The following DYNLT2 variants were observed in gnomAD, a reference collection of about 807,000 sequenced individuals.
DYNLT2 encodes dynein light chain Tctex-type 2.
In DYNLT2, 24 loss-of-function variants were observed where a neutral mutation model predicts 24.3. The ratio of observed to expected loss-of-function variants is 0.99; its 90% CI spans 0.71 to 1.39. The LOEUF (loss-of-function observed/expected upper bound fraction) is 1.39, where lower values mean the gene tolerates loss of function less well. Among genes scored for constraint, DYNLT2 ranks in the 40% most tolerant of loss-of-function variants. DYNLT2 has a pLI of 0.00. For missense variants in DYNLT2, 246 were observed against 234.5 expected (o/e 1.05, Z -0.32); for synonymous variants, 85 against 85.4 (o/e 1.00, Z 0.03).
At chr6:169,744,365 G>C in intron 1 of DYNLT2, 91 bp from the exon 2 acceptor site, 1 of 1,045,018 alleles carries the variant, frequency 9.6e-7, no homozygotes, top group Non-Finnish European at 1.4e-6. Context: ...AGCCTGTACA[G>C]TGGGACAGGG....
At chr6:169,727,270 TA>T in the DYNLT2 span, among the ~76,000 whole-genome samples, 8 of 152,262 alleles carry the variant, frequency 5.3e-5, no homozygotes, top group East Asian at 1.5e-3. Context: ...AGTTTTATTA[TA>T]AAAAGTAATG....
At chr6:169,729,722 G>C in the DYNLT2 span, among the ~76,000 whole-genome samples, 2 of 152,168 alleles carry the variant, frequency 1.3e-5, no homozygotes, top group African/African-American at 4.8e-5. Context: ...GAGTCCCCAT[G>C]ATGGGGATTA....
chr6:169,740,230 T>C lies in DYNLT2; in HGVS notation c.552A>G (p.Glu184=). The change falls in exon 4 of 4, where the codon GAA becomes GAG. Residue 184 remains glutamate (E), a synonymous_variant. Transcript: ENST00000366774. ...ACACCAAGACCAGTGCCACGTAGGA[T>C]TCTGCTTCGTGTTTAGCTGCGACCC... is the stretch of plus-strand genomic sequence containing the variant. ...DSWVAAKHEA[E]SYVALVLVFA... is the part of the protein sequence containing the mutation. 6.2e-7 allele frequency: 1 copy of C among 1,614,036 alleles called. No homozygotes were observed. Among genetic ancestry groups the C allele is most frequent in the East Asian group, 2.2e-5 (1 of 44,876 alleles).
intron 1 of DYNLT2, among the ~76,000 whole-genome samples, chr6:169,746,366 A>G (rs1789800546): frequency 6.6e-6 from 1 of 152,142 alleles, no homozygotes; most frequent in Admixed American, 6.5e-5. Flanking sequence ...CACACATTCA[A>G]TACTATACAT....
the DYNLT2 span, among the ~76,000 whole-genome samples, chr6:169,734,645 C>G: frequency 6.6e-6 from 1 of 152,164 alleles, no homozygotes; most frequent in Non-Finnish European, 1.5e-5. Context: ...CCGACTTGAT[C>G]GTGGTAGATA....
intron 3 of DYNLT2, among the ~76,000 whole-genome samples, chr6:169,742,243 G>C (rs1316768143): frequency 6.6e-6 from 1 of 152,146 alleles, no homozygotes; most frequent in Non-Finnish European, 1.5e-5. Flanking sequence ...AACAGCTCTA[G>C]GAAGCCAGTT....
intron 3 of DYNLT2, 115 bp from the exon 4 acceptor site, chr6:169,740,410 A>C (rs1415600838): frequency 1.5e-5 from 10 of 663,642 alleles, no homozygotes; most frequent in Non-Finnish European, 2.2e-5. Context: ...AATTATTTTT[A>C]AGATGTAATT....
At chr6:169,742,984 G>A (rs1789711908) in intron 3 of DYNLT2, 96 bp downstream of exon 3, 3 of 927,674 alleles carry the variant, frequency 3.2e-6, no homozygotes, top group Non-Finnish European at 4.5e-6. Context: ...CAGAATCTAT[G>A]GCATGCCCTT....
rs1789745400 is a variant in DYNLT2 at position 169,744,272 on chromosome 6, A to T, written c.123T>A (p.Tyr41Ter). The change falls in exon 2 of 4, where the codon TAT becomes TAA. Residue 41 changes from tyrosine to a stop codon, truncating the protein, a stop_gained and splice_region_variant. Transcript: ENST00000366774. LOFTEE classifies it high-confidence loss of function. ...TCAGTCTTTCTCTTAAAATCTGTGT[A>T]TACTGGAGGAGAAAGAGAGAGGGGA... is the stretch of plus-strand genomic sequence containing the variant. Reference protein sequence around the residue: ...RRPSMFEKEAYTQILRERLRE... With the variant: ...RRPSMFEKEA The T allele has an allele frequency of 6.2e-7, 1 of 1,612,248 alleles. No homozygotes were observed. Among genetic ancestry groups the T allele is most frequent in the Non-Finnish European group, 8.5e-7 (1 of 1,179,176 alleles).
chr6:169,739,190 T>C (rs1365819551), downstream of DYNLT2, among the ~76,000 whole-genome samples: 1 of 150,602 alleles, frequency 6.6e-6, no homozygotes, highest in Non-Finnish European at 1.5e-5. Context: ...ATTTGTACAC[T>C]GGATCCACAA....
the DYNLT2 span, among the ~76,000 whole-genome samples, chr6:169,726,799 T>C: frequency 1.3e-5 from 2 of 152,194 alleles, no homozygotes; most frequent in African/African-American, 2.4e-5. Context: ...AAAAAAACCA[T>C]TTATTCATTC....
intron 1 of DYNLT2, among the ~76,000 whole-genome samples, chr6:169,749,297 T>C (rs987442796): frequency 1.1e-4 from 17 of 152,166 alleles, no homozygotes; most frequent in Admixed American, 2.6e-4. Flanking sequence ...GACGGGGTTT[T>C]GGCATGTTGG....
chr6:169,742,964 A>G (rs1330146476), intron 3 of DYNLT2, 116 bp downstream of exon 3: 1 of 817,076 alleles, frequency 1.2e-6, no homozygotes, highest in Non-Finnish European at 1.8e-6. Flanking sequence ...CTTTCCTTCA[A>G]AAAGTACCTC....
rs1378595278 is a variant in DYNLT2, at chr6:169,743,942, A to G, written c.327+126T>C. Reference sequence around the variant, plus strand: ...TTGTTGTGCCTGCACCAATGACACAATACCTTCTGGTTCTAGTGACAATTG... The same window carrying G: ...TTGTTGTGCCTGCACCAATGACACAGTACCTTCTGGTTCTAGTGACAATTG... On this transcript the variant is annotated intron_variant, in intron 2 of 3. Transcript: ENST00000366774. 17 of 876,384 alleles carry G rather than the reference A, an allele frequency of 1.9e-5. No individual in the cohort carries two copies. The Admixed American group carries it at 4.2e-4, about 22-fold the overall frequency. 54.3% of individuals were successfully genotyped at this position (876,384 alleles called of 1,614,324 possible). A position where few individuals can be genotyped will look rare whatever the true frequency, so the allele number is the denominator to read the frequency against.
At chr6:169,737,126 G>A (rs1034859100), downstream of DYNLT2, among the ~76,000 whole-genome samples, 1 of 152,066 alleles carries the variant, frequency 6.6e-6, no homozygotes, top group African/African-American at 2.4e-5. Flanking sequence ...ACTTGTGTAT[G>A]CTTCACGAAG....
downstream of DYNLT2, among the ~76,000 whole-genome samples, chr6:169,735,901 A>G (rs1255700668): frequency 6.6e-6 from 1 of 152,172 alleles, no homozygotes; most frequent in African/African-American, 2.4e-5. Context: ...GTCTCTCACT[A>G]TCACTGTGTG....
the DYNLT2 span, among the ~76,000 whole-genome samples, chr6:169,733,811 A>T: frequency 6.6e-6 from 1 of 152,202 alleles, no homozygotes; most frequent in Non-Finnish European, 1.5e-5. Flanking sequence ...AGTTTTTTCT[A>T]ATTCTGTGAA....
intron 3 of DYNLT2, among the ~76,000 whole-genome samples, chr6:169,742,092 C>T (rs1789692115): frequency 6.6e-6 from 1 of 152,198 alleles, no homozygotes; most frequent in African/African-American, 2.4e-5. Context: ...TCCTTACCAA[C>T]TCCTTACATA....
the DYNLT2 span, among the ~76,000 whole-genome samples, chr6:169,726,656 C>A: frequency 1.3e-5 from 2 of 152,124 alleles, no homozygotes; most frequent in Non-Finnish European, 2.9e-5. Context: ...GCTGTGTGAT[C>A]AAAGGTAAAT....
Sources: allele counts gnomAD v4.1 joint callset (sites outside exome capture counted in the v4.1 genomes callset), GRCh38; gene constraint gnomAD v4.1.1; transcripts MANE v1.5; gene names NCBI Gene and HGNC (gene_info 2026-07-23, HGNC 2026-07-21).